The following CACNA1A variants were observed in gnomAD, a reference collection of about 807,000 sequenced individuals.
CACNA1A encodes the protein calcium voltage-gated channel subunit alpha1 A, also known as voltage-dependent P/Q-type calcium channel subunit alpha-1A.
In CACNA1A, 57 loss-of-function variants were observed where a neutral mutation model predicts 262.4. The ratio of observed to expected loss-of-function variants is 0.22; its 90% CI spans 0.18 to 0.27. The LOEUF is 0.27. Ranked by LOEUF, CACNA1A falls within the 10% of genes least tolerant of loss-of-function variation. The pLI, the probability that CACNA1A is intolerant of heterozygous loss-of-function variation, is 1.00. For missense variants in CACNA1A, 2,526 were observed against 3,562.8 expected, an observed-to-expected ratio of 0.71 and a Z score of 7.41; for synonymous variants, 1,431 against 1,419.3, an observed-to-expected ratio of 1.01 and a Z score of -0.18.
rs531121589 is a variant in CACNA1A at position 13,257,211 on chromosome 19, G to A, written c.4590+139C>T. On this transcript the variant is annotated intron_variant, in intron 28 of 46. Coordinates refer to ENST00000360228, the MANE Select transcript of CACNA1A (RefSeq NM_001127222.2). The stretch of plus-strand genomic sequence containing the variant: ...TGGAAACTCCATGAAGGGCTGCCCT[G>A]AAGACTGGATTCGGTTGGGACAATG... 1.4e-5 allele frequency: 9 copies of A among 651,896 alleles called. No homozygotes were observed. In the South Asian group the frequency reaches 1.8e-4, roughly 13 times the overall value. 40.4% of individuals were successfully genotyped at this position (651,896 alleles called of 1,614,324 possible).
chr19:13,217,731 AGGTG>A (rs986102215), intron 38 of CACNA1A, among the ~76,000 whole-genome samples: 3 of 152,148 alleles, frequency 2.0e-5, no homozygotes, highest in African/African-American at 7.2e-5. Flanking sequence ...GGAATCCAGT[AGGTG>A]TCATAGAAGC....
intron 1 of CACNA1A, among the ~76,000 whole-genome samples, chr19:13,480,538 T>G (rs1409081081): frequency 2.6e-5 from 4 of 152,074 alleles, no homozygotes; most frequent in Non-Finnish European, 4.4e-5. Flanking sequence ...GAGTCAGAAG[T>G]TATACACAGG....
intron 35 of CACNA1A, among the ~76,000 whole-genome samples, chr19:13,230,810 GAA>G (rs796204286): frequency 4.9e-5 from 6 of 123,416 alleles, no homozygotes; most frequent in Admixed American, 8.2e-5. Context: ...CCATTTCAAA[GAA>G]AAAAAAAAAA....
In CACNA1A at chr19:13,241,407, G is replaced by A. The variant is rs779398053; in HGVS notation, c.4950+3775C>T. 5 of 737,412 alleles carry A rather than the reference G, an allele frequency of 6.8e-6. No homozygotes were observed. The highest frequency in any genetic ancestry group is 1.2e-5 in the Non-Finnish European group (5 of 416,946). The allele number at this position is 737,412 out of a possible 1,614,324, so 45.7% of individuals were successfully genotyped here. On this transcript the variant is annotated intron_variant, in intron 31 of 46. Transcript: ENST00000360228. The surrounding 1 kb of genome is among the most constrained non-coding windows in gnomAD (Gnocchi z 4.0). ...ACAGAGGAGAGCGGAGGGTTGAGGA[G>A]AGCGTCAGGCATCCCACGTTGGAGA...
chr19:13,448,059 T>C (rs2144912676), intron 3 of CACNA1A, among the ~76,000 whole-genome samples: 1 of 148,684 alleles, frequency 6.7e-6, no homozygotes, highest in Admixed American at 6.7e-5. Context: ...CTTCCCTAAG[T>C]GTTCCCATAA....
intron 3 of CACNA1A, among the ~76,000 whole-genome samples, chr19:13,391,895 G>A (rs2059715854): frequency 6.6e-6 from 1 of 151,982 alleles, no homozygotes; most frequent in South Asian, 2.1e-4. Flanking sequence ...AAATTAGCCA[G>A]GCATGGTGGC....
intron 6 of CACNA1A, among the ~76,000 whole-genome samples, chr19:13,339,080 G>A (rs140310106): frequency 6.6e-6 from 1 of 152,024 alleles, no homozygotes; most frequent in Non-Finnish European, 1.5e-5. Flanking sequence ...TGGTCAGGCT[G>A]GTCTTGAACT....
intron 1 of CACNA1A, among the ~76,000 whole-genome samples, chr19:13,491,176 T>C (rs745337657): frequency 7.9e-5 from 12 of 152,242 alleles, no homozygotes; most frequent in Non-Finnish European, 1.5e-4. Flanking sequence ...TTATCCTTGC[T>C]GTGCCTTCAC....
At chr19:13,269,741 C>T (rs1042730456) in intron 24 of CACNA1A, among the ~76,000 whole-genome samples, 6 of 152,108 alleles carry the variant, frequency 3.9e-5, no homozygotes, top group African/African-American at 1.4e-4. Flanking sequence ...TTATGGTAGA[C>T]GCATGGATAC....
chr19:13,219,346 G>T (rs1459446768), intron 38 of CACNA1A, among the ~76,000 whole-genome samples: 1 of 152,138 alleles, frequency 6.6e-6, no homozygotes, highest in African/African-American at 2.4e-5. Flanking sequence ...CCGGCCCTTT[G>T]CAGATTTTAA....
chr19:13,492,799 C>A (rs898694225), intron 1 of CACNA1A, among the ~76,000 whole-genome samples: 1 of 152,132 alleles, frequency 6.6e-6, no homozygotes, highest in African/African-American at 2.4e-5. Context: ...GCCCTCACGT[C>A]CTCCCATTCA....
intron 3 of CACNA1A, among the ~76,000 whole-genome samples, chr19:13,446,059 G>T (rs1179617105): frequency 6.6e-6 from 1 of 152,068 alleles, no homozygotes; most frequent in African/African-American, 2.4e-5. Context: ...CAGATCACCT[G>T]AGGTCCGGAG....
chr19:13,443,653 T>C (rs2144889989), intron 3 of CACNA1A, among the ~76,000 whole-genome samples: 1 of 152,304 alleles, frequency 6.6e-6, no homozygotes, highest in Admixed American at 6.5e-5. Flanking sequence ...ATATAATATA[T>C]AGTATATCAT....
chr19:13,331,925 G>T (rs2058475894), intron 9 of CACNA1A, among the ~76,000 whole-genome samples: 1 of 152,216 alleles, frequency 6.6e-6, no homozygotes, highest in Non-Finnish European at 1.5e-5. Flanking sequence ...CTCCCAAAGT[G>T]TTGGGATTAC....
chr19:13,506,151 A>C lies in CACNA1A; in HGVS notation c.74T>G (p.Val25Gly), dbSNP rs565157998. The C allele has an allele frequency of 6.4e-6, 10 of 1,570,558 alleles. No individual in the cohort carries two copies. The East Asian group carries it at 1.6e-4, about 26-fold the overall frequency. Reference sequence around the variant, plus strand: ...GGCTCCTCGCCCGCCTCCGCTGCCCACGACCACCCCGGCGGCTGCCCCGGA... The same window carrying C: ...GGCTCCTCGCCCGCCTCCGCTGCCCCCGACCACCCCGGCGGCTGCCCCGGA... ...GGSGAAAGVV[V>G]GSGGGRGAGG... Residue 25 changes from valine (V) to glycine (G), a missense_variant, in exon 1 of 47, where the codon GTG becomes GGG. Physicochemically the swap from Val to Gly is moderately radical, Grantham distance 109. This residue lies in a region of CACNA1A where 65 missense variants were observed against 75.6 expected (regional missense o/e 0.86). Coordinates refer to ENST00000360228, the MANE Select transcript of CACNA1A (RefSeq NM_001127222.2).
At chr19:13,411,904 AG>A (rs1301480923) in intron 3 of CACNA1A, among the ~76,000 whole-genome samples, 2 of 151,984 alleles carry the variant, frequency 1.3e-5, no homozygotes, top group African/African-American at 4.8e-5. Flanking sequence ...TTGTAGAGAC[AG>A]GGGTCTCACT....
intron 6 of CACNA1A, among the ~76,000 whole-genome samples, chr19:13,341,157 A>C (rs566719143): frequency 8.5e-5 from 13 of 152,320 alleles, no homozygotes; most frequent in Non-Finnish European, 1.6e-4. Flanking sequence ...CAGAGGGAGA[A>C]GGCCATGTGA....
chr19:13,239,961 GC>G (rs202094130), intron 31 of CACNA1A, among the ~76,000 whole-genome samples: 2,388 of 152,084 alleles, frequency 0.016, 64 homozygotes, highest in African/African-American at 0.054. Flanking sequence ...GACCAGCCTG[GC>G]CAACATGGTG....
At chr19:13,383,454 TA>T in intron 3 of CACNA1A, among the ~76,000 whole-genome samples, 1 of 152,206 alleles carries the variant, frequency 6.6e-6, no homozygotes, top group Non-Finnish European at 1.5e-5. Context: ...CGTCACTCCT[TA>T]GTTAAAATCT....
Sources: allele counts gnomAD v4.1 joint callset (sites outside exome capture counted in the v4.1 genomes callset), GRCh38; gene constraint gnomAD v4.1.1; regional missense constraint gnomAD v4.1.1; non-coding constraint Gnocchi (gnomAD v3.1); transcripts MANE v1.5; gene names NCBI Gene and HGNC (gene_info 2026-07-23, HGNC 2026-07-21).